The following GLIS3 variants were observed in gnomAD, a reference collection of about 807,000 sequenced individuals.
The protein encoded by GLIS3 is zinc finger protein GLIS3.
Under a neutral mutation model 78.6 loss-of-function variants are expected in GLIS3, and 53 were observed. The ratio of observed to expected loss-of-function variants is 0.67; its 90% CI spans 0.54 to 0.85. The LOEUF (loss-of-function observed/expected upper bound fraction) is 0.85. Ranked by LOEUF, GLIS3 falls within the 40% of genes least tolerant of loss-of-function variation. The pLI is 0.00. For missense variants in GLIS3, 1,703 were observed against 1,231.1 expected (o/e 1.38, Z -5.74); for synonymous variants, 684 against 509.9 (o/e 1.34, Z -4.60).
chr9:4,000,723 C>T (rs1185294225), intron 4 of GLIS3, among the ~76,000 whole-genome samples: 1 of 152,202 alleles, frequency 6.6e-6, no homozygotes, highest in Non-Finnish European at 1.5e-5. Context: ...TTTGCAGCTT[C>T]CTCCCTGCCG....
chr9:4,192,386 G>C (rs989969148), intron 2 of GLIS3, among the ~76,000 whole-genome samples: 2 of 152,066 alleles, frequency 1.3e-5, no homozygotes, highest in Admixed American at 1.3e-4. Context: ...TATTTTTGTG[G>C]ACTAAGCTGA....
intron 2 of GLIS3, among the ~76,000 whole-genome samples, chr9:4,169,890 G>A (rs776142497): frequency 2.0e-5 from 3 of 152,082 alleles, no homozygotes; most frequent in Admixed American, 1.3e-4. Context: ...TATAATAAAG[G>A]ATAGGAATAT....
At chr9:4,454,506 C>G in the GLIS3 span, among the ~76,000 whole-genome samples, 3 of 152,162 alleles carry the variant, frequency 2.0e-5, no homozygotes, top group Admixed American at 1.3e-4. Flanking sequence ...AAGTCCAGGT[C>G]CCTTTGCCCT....
chr9:4,415,907 CCT>C, the GLIS3 span, among the ~76,000 whole-genome samples: 1 of 151,670 alleles, frequency 6.6e-6, no homozygotes, highest in Non-Finnish European at 1.5e-5. Context: ...CTTTACTCTC[CCT>C]GAGCCCCACT....
At chr9:3,940,633 AAG>A (rs1020719950) in intron 4 of GLIS3, among the ~76,000 whole-genome samples, 7 of 152,220 alleles carry the variant, frequency 4.6e-5, no homozygotes, top group Admixed American at 1.3e-4. Flanking sequence ...ACAGGAAAAC[AAG>A]AGAAACGTGA....
intron 4 of GLIS3, among the ~76,000 whole-genome samples, chr9:4,012,698 G>C (rs1396208093): frequency 6.7e-6 from 1 of 149,506 alleles, no homozygotes; most frequent in East Asian, 2.0e-4. Context: ...CATCTCTCTT[G>C]ATCTTTGCCT....
chr9:3,960,791 A>T (rs2130880856), intron 4 of GLIS3, among the ~76,000 whole-genome samples: 1 of 152,302 alleles, frequency 6.6e-6, no homozygotes, highest in East Asian at 1.9e-4. Context: ...GCCTTACAAA[A>T]ATTTTGCTCT....
chr9:4,383,206 G>A, the GLIS3 span, among the ~76,000 whole-genome samples: 12 of 152,168 alleles, frequency 7.9e-5, no homozygotes, highest in Non-Finnish European at 5.9e-5. Flanking sequence ...TTGCTTCTTG[G>A]CATTAACATT....
chr9:4,312,151 T>C (rs746160387), intron 2 of GLIS3, among the ~76,000 whole-genome samples: 1 of 150,246 alleles, frequency 6.7e-6, no homozygotes, highest in Admixed American at 6.6e-5. Flanking sequence ...GTTTTTGTTT[T>C]TGTTTTTGTT....
At chr9:3,984,707 A>C (rs1819591008) in intron 4 of GLIS3, among the ~76,000 whole-genome samples, 1 of 152,214 alleles carries the variant, frequency 6.6e-6, no homozygotes, top group South Asian at 2.1e-4. Flanking sequence ...TGGAGGGGCC[A>C]GGGACAGAAT....
At chr9:3,868,314 T>C (rs1272088450) in intron 8 of GLIS3, among the ~76,000 whole-genome samples, 2 of 152,232 alleles carry the variant, frequency 1.3e-5, no homozygotes, top group Non-Finnish European at 2.9e-5. Context: ...AAGTTATTGC[T>C]GGATTAGCTC....
the GLIS3 span, among the ~76,000 whole-genome samples, chr9:4,384,450 G>A: frequency 5.9e-5 from 9 of 151,880 alleles, no homozygotes; most frequent in African/African-American, 1.9e-4. Context: ...ATGGTTGATT[G>A]TTTGCCAATG....
chr9:4,352,650 T>C (rs1046013096), upstream of GLIS3, among the ~76,000 whole-genome samples: 1 of 152,184 alleles, frequency 6.6e-6, no homozygotes, highest in African/African-American at 2.4e-5. Context: ...ACAGACCTGG[T>C]TAGTGGGGAG....
In GLIS3 at chr9:3,977,328, C is replaced by T. The variant is rs1818884190; in HGVS notation, c.1711-40139G>A. 6.6e-6 allele frequency among the ~76,000 whole-genome samples: 1 copy of T among 152,176 alleles called. No individual in the cohort carries two copies. The highest frequency in any genetic ancestry group is 2.4e-5 in the African/African-American group (1 of 41,428). Reference sequence around the variant, plus strand: ...AAGCTCTTGGCTCTATCAGCCTTGCCATCTCTTTGTAGCAGAATAAACTCA... The same window carrying T: ...AAGCTCTTGGCTCTATCAGCCTTGCTATCTCTTTGTAGCAGAATAAACTCA... On this transcript the variant is annotated intron_variant, in intron 4 of 10. Coordinates refer to ENST00000381971, the MANE Select transcript of GLIS3 (RefSeq NM_001042413.2). This position sits in a 1 kb window ranked among gnomAD's most constrained non-coding sequence, Gnocchi z 4.1.
chr9:4,272,833 C>A lies in GLIS3; in HGVS notation c.388+13205G>T, dbSNP rs1189960932. On this transcript the variant is annotated intron_variant, in intron 2 of 10. Transcript: ENST00000381971. Reference sequence around the variant, plus strand: ...AAACTTTCCCCAAATGTCAGGTGATCTGACATTCTGGTTCAGCCAGGATAG... The same window carrying A: ...AAACTTTCCCCAAATGTCAGGTGATATGACATTCTGGTTCAGCCAGGATAG... 2.0e-5 allele frequency among the ~76,000 whole-genome samples: 3 copies of A among 152,282 alleles called. No homozygotes were observed. In the East Asian group the frequency reaches 5.8e-4, roughly 29 times the overall value.
At chr9:3,854,055 A>G (rs990766398) in intron 9 of GLIS3, among the ~76,000 whole-genome samples, 2 of 152,166 alleles carry the variant, frequency 1.3e-5, no homozygotes, top group African/African-American at 2.4e-5. Context: ...CTTAGAATCA[A>G]TGGCCTACTC....
chr9:4,473,460 C>CAACAACAAAAAAAA, the GLIS3 span, among the ~76,000 whole-genome samples: 2 of 131,294 alleles, frequency 1.5e-5, no homozygotes, highest in African/African-American at 5.3e-5. Context: ...ACAACAACAA[C>CAACAACAAAAAAAA]AAAAAAAAAG....
chr9:4,420,675 G>A, the GLIS3 span, among the ~76,000 whole-genome samples: 2 of 152,128 alleles, frequency 1.3e-5, no homozygotes, highest in Non-Finnish European at 1.5e-5. Context: ...TTTTGAACAA[G>A]AAGCATGGGG....
At chr9:4,480,462 A>T in the GLIS3 span, among the ~76,000 whole-genome samples, 1 of 152,102 alleles carries the variant, frequency 6.6e-6, no homozygotes, top group Non-Finnish European at 1.5e-5. Context: ...TGGCCTCGCA[A>T]AGTGCTAGGA....
Sources: allele counts gnomAD v4.1 joint callset (sites outside exome capture counted in the v4.1 genomes callset), GRCh38; gene constraint gnomAD v4.1.1; non-coding constraint Gnocchi (gnomAD v3.1); transcripts MANE v1.5; gene names NCBI Gene and HGNC (gene_info 2026-07-23, HGNC 2026-07-21).